KCNQ1: variants seen among roughly 807,000 people sequenced by gnomAD.
The protein encoded by KCNQ1 is potassium voltage-gated channel subfamily Q member 1, also known as potassium voltage-gated channel subfamily KQT member 1.
KCNQ1 carries 49 observed loss-of-function variants against 72.4 expected under a neutral mutation model. The observed-to-expected ratio is 0.68, with a 90% CI of 0.54 to 0.86. The LOEUF (loss-of-function observed/expected upper bound fraction) is 0.86. Ranked by LOEUF, KCNQ1 falls within the 40% of genes least tolerant of loss-of-function variation. The pLI is 0.00. For missense variants in KCNQ1, 790 were observed against 945.1 expected (o/e 0.84, Z 2.15); for synonymous variants, 450 against 412.6 (o/e 1.09, Z -1.10).
At position 2,627,394 on chromosome 11, in the gene KCNQ1, G is replaced by A. The variant is rs11023535; in HGVS notation, c.1394-34567G>A. 0.71 allele frequency: 283,625 copies of A among 398,176 alleles called. 102,338 individuals carry two copies. Among genetic ancestry groups the A allele is most frequent in the East Asian group, 0.86 (24,183 of 28,032 alleles). 24.7% of individuals were successfully genotyped at this position (398,176 alleles called of 1,614,324 possible). A position where few individuals can be genotyped will look rare whatever the true frequency, so the allele number is the denominator to read the frequency against. On this transcript the variant is annotated intron_variant, in intron 10 of 15. Transcript: ENST00000155840. The surrounding 1 kb of genome is among the most constrained non-coding windows in gnomAD (Gnocchi z 4.9). ...ATTAACTATAGTCACCAATCTGGAC[G>A]TTATGTCAAGAACTTATTCATCTGA...
At position 2,544,530 on chromosome 11, in the gene KCNQ1, G is replaced by T. The variant is rs1022399746; in HGVS notation, c.477+16512G>T. On this transcript the variant is annotated intron_variant, in intron 2 of 15. Transcript: ENST00000155840. The surrounding 1 kb of genome is among the most constrained non-coding windows in gnomAD (Gnocchi z 4.4). ...ATTTAGATTTTTAACTTCTGTCAGA[G>T]ATGTTTCATAGTTTTTAGTGTATAG... Among the ~76,000 whole-genome samples the T allele has an allele frequency of 6.6e-6, 1 of 151,840 alleles. No individual in the cohort carries two copies. The highest frequency in any genetic ancestry group is 1.5e-5 in the Non-Finnish European group (1 of 67,958).
At chr11:2,749,665 T>C (rs1399053144) in intron 11 of KCNQ1, among the ~76,000 whole-genome samples, 1 of 116,612 alleles carries the variant, frequency 8.6e-6, no homozygotes. Context: ...AAAAAAAAAT[T>C]GTCCGGGCGC....
chr11:2,578,273 G>A (rs1848450936), intron 6 of KCNQ1, among the ~76,000 whole-genome samples: 7 of 152,114 alleles, frequency 4.6e-5, no homozygotes, highest in Admixed American at 4.6e-4. Flanking sequence ...AGACGGACAG[G>A]GTGAGAACTG....
chr11:2,670,896 G>A lies in KCNQ1; in HGVS notation c.1514+8815G>A. The stretch of plus-strand genomic sequence containing the variant: ...ACTGGGAAGCCTCCTGGATTGCCTG[G>A]ACAAGGCTGACCTGCCCTCCCAGGA... On this transcript the variant is annotated intron_variant, in intron 11 of 15. Coordinates refer to ENST00000155840, the MANE Select transcript of KCNQ1 (RefSeq NM_000218.3). This position sits in a 1 kb window ranked among gnomAD's most constrained non-coding sequence, Gnocchi z 4.9. 1 of 398,628 alleles carries A rather than the reference G, an allele frequency of 2.5e-6. No individual in the cohort carries two copies. The highest frequency in any genetic ancestry group is 3.6e-5 in the East Asian group (1 of 28,072). The allele number at this position is 398,628 out of a possible 1,614,324, so 24.7% of individuals were successfully genotyped here.
At chr11:2,814,255 G>A (rs1046966154) in intron 15 of KCNQ1, among the ~76,000 whole-genome samples, 1 of 142,554 alleles carries the variant, frequency 7.0e-6, no homozygotes, top group Non-Finnish European at 1.5e-5. Flanking sequence ...GGGAAGGAGG[G>A]CTGAATAAAG....
rs1390173813 is a variant in KCNQ1 at position 2,603,824 on chromosome 11, G to A, written c.1393+14970G>A. On this transcript the variant is annotated intron_variant, in intron 10 of 15. Transcript: ENST00000155840. This position sits in a 1 kb window ranked among gnomAD's most constrained non-coding sequence, Gnocchi z 4.1. Reference sequence around the variant, plus strand: ...ACCCGCCTCAGCCTCCCAAGTAGGTGGGATTACGGGCACGCACCACCAAGC... The same window carrying A: ...ACCCGCCTCAGCCTCCCAAGTAGGTAGGATTACGGGCACGCACCACCAAGC... Among the ~76,000 whole-genome samples, 1 of 151,930 alleles carries A rather than the reference G, an allele frequency of 6.6e-6. No individual in the cohort carries two copies. The highest frequency in any genetic ancestry group is 1.5e-5 in the Non-Finnish European group (1 of 68,000).
At chr11:2,685,218 C>T (rs1296378575) in intron 11 of KCNQ1, 3 of 398,546 alleles carry the variant, frequency 7.5e-6, no homozygotes, top group South Asian at 1.3e-4. Context: ...AGCTCACACA[C>T]GGAGGCACTA....
Position 2,668,740 on chromosome 11 carries a change from C to T in KCNQ1, c.1514+6659C>T, listed in dbSNP as rs528604498. 2.5e-6 allele frequency: 1 copy of T among 398,654 alleles called. No individual in the cohort carries two copies. The highest frequency in any genetic ancestry group is 1.3e-4 in the South Asian group (1 of 7,850). The allele number at this position is 398,654 out of a possible 1,614,324, so 24.7% of individuals were successfully genotyped here. ...CACACATTGCAAATATCGCCTCCCC[C>T]TCTGCAGGCTGCCTTCTTCCTCTCT... On this transcript the variant is annotated intron_variant, in intron 11 of 15. Transcript: ENST00000155840. The surrounding 1 kb of genome is among the most constrained non-coding windows in gnomAD (Gnocchi z 4.3).
Position 2,663,216 on chromosome 11 carries a change from C to G in KCNQ1, c.1514+1135C>G, listed in dbSNP as rs118146655. On this transcript the variant is annotated intron_variant, in intron 11 of 15. Transcript: ENST00000155840. The surrounding 1 kb of genome is among the most constrained non-coding windows in gnomAD (Gnocchi z 5.2). The stretch of plus-strand genomic sequence containing the variant: ...TCATGGTGGGTAGGGTGTGAAGAGG[C>G]TCCAAGGGAGCCAGCAGATCACTGG... 5.2e-3 allele frequency: 2,075 copies of G among 398,724 alleles called. 89 individuals carry two copies. In the Admixed American group the frequency reaches 0.073, roughly 14 times the overall value. 24.7% of individuals were successfully genotyped at this position (398,724 alleles called of 1,614,324 possible).
rs941578056 is a variant in KCNQ1, at chr11:2,463,118, G to A, written c.386+17634G>A. 1.3e-5 allele frequency among the ~76,000 whole-genome samples: 2 copies of A among 152,100 alleles called. No homozygotes were observed. The highest frequency in any genetic ancestry group is 4.8e-5 in the African/African-American group (2 of 41,410). On this transcript the variant is annotated intron_variant, in intron 1 of 15. Transcript: ENST00000155840. This position sits in a 1 kb window ranked among gnomAD's most constrained non-coding sequence, Gnocchi z 7.0. Reference sequence around the variant, plus strand: ...GGGAGTGGGAAGTGGGGGACGGGGTGGATTCCAGGATTCCGGGTTGTGCTT... The same window carrying A: ...GGGAGTGGGAAGTGGGGGACGGGGTAGATTCCAGGATTCCGGGTTGTGCTT...
Position 2,704,819 on chromosome 11 carries a change from G to A in KCNQ1, c.1514+42738G>A. Among the ~76,000 whole-genome samples the A allele has an allele frequency of 6.6e-6, 1 of 152,154 alleles. No individual in the cohort carries two copies. Among genetic ancestry groups the A allele is most frequent in the Non-Finnish European group, 1.5e-5 (1 of 68,028 alleles). On this transcript the variant is annotated intron_variant, in intron 11 of 15. Transcript: ENST00000155840. This position sits in a 1 kb window ranked among gnomAD's most constrained non-coding sequence, Gnocchi z 4.3. Reference sequence around the variant, plus strand: ...AGGTAGCCCTCAGCATCCAACAGGGGTAGCAGCCTAGTGCATGTATGACCA... The same window carrying A: ...AGGTAGCCCTCAGCATCCAACAGGGATAGCAGCCTAGTGCATGTATGACCA...
At position 2,486,506 on chromosome 11, in the gene KCNQ1, A is replaced by T. The variant is rs985126911; in HGVS notation, c.386+41022A>T. 1.4e-4 allele frequency among the ~76,000 whole-genome samples: 21 copies of T among 152,160 alleles called. No homozygotes were observed. Among genetic ancestry groups the T allele is most frequent in the African/African-American group, 4.8e-4 (20 of 41,426 alleles). ...AAAATTTTTAATGTTCACGAAGTCC[A>T]AGTTGTCTACTTTTTGTTTTGTTGC... is the stretch of plus-strand genomic sequence containing the variant. On this transcript the variant is annotated intron_variant, in intron 1 of 15. Coordinates refer to ENST00000155840, the MANE Select transcript of KCNQ1 (RefSeq NM_000218.3). This position sits in a 1 kb window ranked among gnomAD's most constrained non-coding sequence, Gnocchi z 5.0.
rs1305714969 is a variant in KCNQ1 at position 2,828,323 on chromosome 11, C to T, written c.1795-19444C>T. On this transcript the variant is annotated intron_variant, in intron 15 of 15. Transcript: ENST00000155840. The surrounding 1 kb of genome is among the most constrained non-coding windows in gnomAD (Gnocchi z 5.3). ...GCACTGGTTAAACGTGATGGGTAAACACATGTCTATTTCAGCTTCTTTGAA... is the reference window on the plus strand; with the variant it reads ...GCACTGGTTAAACGTGATGGGTAAATACATGTCTATTTCAGCTTCTTTGAA... Among the ~76,000 whole-genome samples the T allele has an allele frequency of 6.6e-6, 1 of 152,174 alleles. No individual in the cohort carries two copies. Among genetic ancestry groups the T allele is most frequent in the Non-Finnish European group, 1.5e-5 (1 of 68,034 alleles).
At position 2,647,761 on chromosome 11, in the gene KCNQ1, G is replaced by A. The variant is rs969599940; in HGVS notation, c.1394-14200G>A. 2.5e-6 allele frequency: 1 copy of A among 398,100 alleles called. No individual in the cohort carries two copies. The highest frequency in any genetic ancestry group is 2.1e-5 in the African/African-American group (1 of 48,472). 24.7% of individuals were successfully genotyped at this position (398,100 alleles called of 1,614,324 possible). A position where few individuals can be genotyped will look rare whatever the true frequency, so the allele number is the denominator to read the frequency against. On this transcript the variant is annotated intron_variant, in intron 10 of 15. Transcript: ENST00000155840. This position sits in a 1 kb window ranked among gnomAD's most constrained non-coding sequence, Gnocchi z 4.0. ...CCAGGAATTTATCTCTTTCCTCTAGGTTTTCTAATTGTTGACATATAGTTG... is the reference window on the plus strand; with the variant it reads ...CCAGGAATTTATCTCTTTCCTCTAGATTTTCTAATTGTTGACATATAGTTG...
At position 2,588,679 on chromosome 11, in the gene KCNQ1, A is replaced by G. The variant is rs781048265; in HGVS notation, c.1252-34A>G. 4 of 1,612,044 alleles carry G rather than the reference A, an allele frequency of 2.5e-6. No individual in the cohort carries two copies. Among genetic ancestry groups the G allele is most frequent in the Admixed American group, 1.7e-5 (1 of 60,012 alleles). ...GCGTAGGGCCTGGCAGACGATGTCC[A>G]GGAACCGCTAATCTGTTGTCTTGTT... is the stretch of plus-strand genomic sequence containing the variant. On this transcript the variant is annotated intron_variant, in intron 9 of 15. Transcript: ENST00000155840. This position sits in a 1 kb window ranked among gnomAD's most constrained non-coding sequence, Gnocchi z 5.6.
Position 2,796,767 on chromosome 11 carries a change from C to T in KCNQ1, c.1794+18730C>T, listed in dbSNP as rs56018042. ...TGGGAGCCATTCTTCCCGGCGGCAG[C>T]GGCTCTCGGCCTGTCCTTGTCCCCA... On this transcript the variant is annotated intron_variant, in intron 15 of 15. Coordinates refer to ENST00000155840, the MANE Select transcript of KCNQ1 (RefSeq NM_000218.3). 8.2e-3 allele frequency among the ~76,000 whole-genome samples: 1,244 copies of T among 152,314 alleles called. 19 individuals carry two copies. Among genetic ancestry groups the T allele is most frequent in the African/African-American group, 0.029 (1,201 of 41,566 alleles).
chr11:2,791,723 CCGGGCTCG>C (rs1315500804), intron 15 of KCNQ1, among the ~76,000 whole-genome samples: 2 of 152,076 alleles, frequency 1.3e-5, no homozygotes, highest in Non-Finnish European at 2.9e-5. Context: ...CCCGGGCCTC[CCGGGCTCG>C]GGTTCTGGCC....
Position 2,599,657 on chromosome 11 carries a change from G to A in KCNQ1, c.1393+10803G>A, listed in dbSNP as rs1036480629. Among the ~76,000 whole-genome samples the A allele has an allele frequency of 6.6e-6, 1 of 152,212 alleles. No individual in the cohort carries two copies. Among genetic ancestry groups the A allele is most frequent in the Non-Finnish European group, 1.5e-5 (1 of 68,030 alleles). ...AAGTCTGAGATCAAGGTGTCAGCAA[G>A]GCTGCTTTCCCTGAGGCCTCTTTCC... On this transcript the variant is annotated intron_variant, in intron 10 of 15. Coordinates refer to ENST00000155840, the MANE Select transcript of KCNQ1 (RefSeq NM_000218.3). The surrounding 1 kb of genome is among the most constrained non-coding windows in gnomAD (Gnocchi z 4.7).
chr11:2,609,014 A>G (rs1476607306), intron 10 of KCNQ1: 1 of 397,352 alleles, frequency 2.5e-6, no homozygotes, highest in African/African-American at 2.1e-5. Flanking sequence ...TATTATTTTT[A>G]TATTCTATAT....
Sources: allele counts gnomAD v4.1 joint callset (sites outside exome capture counted in the v4.1 genomes callset), GRCh38; gene constraint gnomAD v4.1.1; non-coding constraint Gnocchi (gnomAD v3.1); transcripts MANE v1.5; gene names NCBI Gene and HGNC (gene_info 2026-07-23, HGNC 2026-07-21).